The following DLG2 variants were observed in gnomAD, a reference collection of about 807,000 sequenced individuals.
DLG2 encodes the protein disks large homolog 2.
In DLG2, 45 loss-of-function variants were observed where a neutral mutation model predicts 132.5. The ratio of observed to expected loss-of-function variants is 0.34; its 90% CI spans 0.27 to 0.44. The LOEUF (loss-of-function observed/expected upper bound fraction) is 0.44, where lower values mean the gene tolerates loss of function less well. DLG2 is among the 20% of genes least tolerant of loss of function. DLG2 has a pLI of 1.00. For synonymous variants in DLG2, 424 were observed against 419.6 expected, an observed-to-expected ratio of 1.01 and a Z score of -0.13; for missense variants, 1,045 against 1,196.9, an observed-to-expected ratio of 0.87 and a Z score of 1.87.
chr11:83,849,326 A>G (rs1229681319), intron 16 of DLG2, among the ~76,000 whole-genome samples: 1 of 141,578 alleles, frequency 7.1e-6, no homozygotes, highest in African/African-American at 2.8e-5. Flanking sequence ...ATATATAATA[A>G]ATTAATAAAT....
rs540011833 is a variant in DLG2, at chr11:84,108,295, A to C, written c.625-9248T>G. Reference sequence around the variant, plus strand: ...ATGTGAGTATAGTAAAGGTCAAGTTATAAGAGTGTATTGAGGTGATGATCA... The same window carrying C: ...ATGTGAGTATAGTAAAGGTCAAGTTCTAAGAGTGTATTGAGGTGATGATCA... On this transcript the variant is annotated intron_variant, in intron 9 of 27. Transcript: ENST00000376104. 3.3e-5 allele frequency among the ~76,000 whole-genome samples: 5 copies of C among 152,240 alleles called. No homozygotes were observed. The East Asian group carries it at 9.7e-4, about 29-fold the overall frequency.
intron 3 of DLG2, among the ~76,000 whole-genome samples, chr11:85,530,145 C>T (rs1317161168): frequency 1.3e-5 from 2 of 149,804 alleles, no homozygotes; most frequent in African/African-American, 4.9e-5. Context: ...TACAGGCATA[C>T]ACCACCACAC....
chr11:84,651,137 C>T (rs1181802620), intron 6 of DLG2, among the ~76,000 whole-genome samples: 2 of 151,752 alleles, frequency 1.3e-5, no homozygotes, highest in African/African-American at 4.8e-5. Context: ...GATACCGTTA[C>T]CTTCCAGTTG....
chr11:83,835,759 G>A (rs965065943), intron 16 of DLG2, among the ~76,000 whole-genome samples: 2 of 152,180 alleles, frequency 1.3e-5, no homozygotes, highest in Non-Finnish European at 2.9e-5. Context: ...TGAAGTCAAG[G>A]TGTCAGCCAG....
chr11:84,507,663 G>A (rs183218373), intron 7 of DLG2, among the ~76,000 whole-genome samples: 45 of 152,290 alleles, frequency 3.0e-4, no homozygotes, highest in Admixed American at 7.8e-4. Flanking sequence ...CTAGTCCGTT[G>A]AGAGTTTTTC....
At position 84,452,189 on chromosome 11, in the gene DLG2, G is replaced by A. The variant is rs148436617; in HGVS notation, c.519+82381C>T. On this transcript the variant is annotated intron_variant, in intron 7 of 27. Transcript: ENST00000376104. The stretch of plus-strand genomic sequence containing the variant: ...GAGAAAAGGAAGAGGAAGAGGAGGA[G>A]GAGGACGACGATGAAGACTAGGGCT... Among the ~76,000 whole-genome samples, 625 of 151,414 alleles carry A rather than the reference G, an allele frequency of 4.1e-3. 2 individuals are homozygous for A. The highest frequency in any genetic ancestry group is 6.9e-3 in the Non-Finnish European group (468 of 67,662).
At chr11:84,738,255 T>C (rs1270769196) in intron 6 of DLG2, among the ~76,000 whole-genome samples, 1 of 151,960 alleles carries the variant, frequency 6.6e-6, no homozygotes, top group Non-Finnish European at 1.5e-5. Flanking sequence ...TTAAAAAACA[T>C]CAGGAACCTA....
chr11:84,038,997 G>T (rs974658484), intron 11 of DLG2, among the ~76,000 whole-genome samples: 1 of 151,986 alleles, frequency 6.6e-6, no homozygotes, highest in East Asian at 1.9e-4. Context: ...ATGACACGTG[G>T]GCATTATGGG....
At chr11:85,210,860 C>T (rs1446817463) in intron 4 of DLG2, among the ~76,000 whole-genome samples, 1 of 152,086 alleles carries the variant, frequency 6.6e-6, no homozygotes, top group Non-Finnish European at 1.5e-5. Context: ...TTCCTTCTCC[C>T]TTCCATTTCA....
At chr11:85,465,709 T>C (rs1292735607) in intron 3 of DLG2, among the ~76,000 whole-genome samples, 8 of 152,276 alleles carry the variant, frequency 5.3e-5, no homozygotes, top group South Asian at 2.1e-4. Context: ...CTATCATTGA[T>C]GGACATTTGG....
chr11:83,914,671 G>A (rs2076632547), intron 15 of DLG2, among the ~76,000 whole-genome samples: 1 of 152,180 alleles, frequency 6.6e-6, no homozygotes, highest in Non-Finnish European at 1.5e-5. Flanking sequence ...CACGGCTAGT[G>A]AGTAGAGCCA....
intron 3 of DLG2, among the ~76,000 whole-genome samples, chr11:85,513,512 T>C (rs1209508230): frequency 6.6e-6 from 1 of 151,756 alleles, no homozygotes. Flanking sequence ...AACCTTAGAG[T>C]TAATTAGCTC....
chr11:84,207,539 G>T (rs965353912), intron 8 of DLG2, among the ~76,000 whole-genome samples: 1 of 152,050 alleles, frequency 6.6e-6, no homozygotes, highest in Non-Finnish European at 1.5e-5. Flanking sequence ...ATTCAGAGGG[G>T]AAAGAAACAT....
chr11:85,518,657 T>C (rs902540132), intron 3 of DLG2, among the ~76,000 whole-genome samples: 2 of 152,138 alleles, frequency 1.3e-5, no homozygotes, highest in Non-Finnish European at 2.9e-5. Flanking sequence ...CTGCAGAAAT[T>C]TGCATAAGCA....
chr11:84,654,415 G>A (rs1186506512), intron 6 of DLG2, among the ~76,000 whole-genome samples: 2 of 152,102 alleles, frequency 1.3e-5, no homozygotes, highest in South Asian at 2.1e-4. Context: ...TTCCTGGGGG[G>A]AGGGACTATT....
intron 7 of DLG2, among the ~76,000 whole-genome samples, chr11:84,440,099 C>A (rs958626023): frequency 2.0e-5 from 3 of 152,148 alleles, no homozygotes; most frequent in Admixed American, 6.5e-5. Flanking sequence ...TTATGTTGAA[C>A]CTTTAGTGAC....
chr11:84,699,110 C>T (rs2153737007), intron 6 of DLG2, among the ~76,000 whole-genome samples: 1 of 151,506 alleles, frequency 6.6e-6, no homozygotes, highest in South Asian at 2.1e-4. Flanking sequence ...CCCCAAGTCT[C>T]TTCAGACCTC....
intron 12 of DLG2, among the ~76,000 whole-genome samples, chr11:83,978,746 C>A (rs1380810354): frequency 1.3e-5 from 2 of 151,980 alleles, no homozygotes; most frequent in African/African-American, 4.8e-5. Flanking sequence ...GCAGCTACTG[C>A]CTGAGACACA....
intron 6 of DLG2, among the ~76,000 whole-genome samples, chr11:85,024,751 C>T (rs1033733749): frequency 6.6e-6 from 1 of 152,174 alleles, no homozygotes; most frequent in African/African-American, 2.4e-5. Flanking sequence ...GGAATTCTGT[C>T]CTTTCTGCAA....
Sources: allele counts gnomAD v4.1 joint callset (sites outside exome capture counted in the v4.1 genomes callset), GRCh38; gene constraint gnomAD v4.1.1; transcripts MANE v1.5; gene names NCBI Gene and HGNC (gene_info 2026-07-23, HGNC 2026-07-21).